Variants in GALNT13 observed in about 807,000 individuals in gnomAD.
GALNT13 encodes UDP-GalNAc:polypeptide N-acetylgalactosaminyltransferase 13.
Under a neutral mutation model 64.2 loss-of-function variants are expected in GALNT13, and 28 were observed. The ratio of observed to expected loss-of-function variants is 0.44; its 90% CI spans 0.32 to 0.60. The LOEUF (loss-of-function observed/expected upper bound fraction) is 0.60, where lower values mean the gene tolerates loss of function less well. GALNT13 is among the 20% of genes least tolerant of loss of function. The pLI is 0.05. For missense variants in GALNT13, 577 were observed against 669.8 expected (o/e 0.86, Z 1.53); for synonymous variants, 214 against 224.6 (o/e 0.95, Z 0.42).
the GALNT13 span, among the ~76,000 whole-genome samples, chr2:153,465,995 G>T: frequency 1.2e-4 from 18 of 152,074 alleles, no homozygotes; most frequent in African/African-American, 4.3e-4. Flanking sequence ...ATAGCCACCT[G>T]CCCGGTGCCC....
chr2:153,915,582 G>T (rs900073983), intron 2 of GALNT13, among the ~76,000 whole-genome samples: 2 of 151,958 alleles, frequency 1.3e-5, no homozygotes, highest in Non-Finnish European at 2.9e-5. Context: ...CTGAAATTTT[G>T]TTCATCTCTT....
rs1317582697 is a variant in GALNT13, at chr2:154,298,639, A to G, written c.976-2770A>G. On this transcript the variant is annotated intron_variant, in intron 8 of 12. Transcript: ENST00000392825. ...TATATATACATTGTATATATAATTT[A>G]TATATACATTGTATATACAATTTAT... Among the ~76,000 whole-genome samples the G allele has an allele frequency of 3.5e-5, 3 of 84,582 alleles. 1 individual carries two copies. Among genetic ancestry groups the G allele is most frequent in the Non-Finnish European group, 4.8e-5 (2 of 41,634 alleles). 55.5% of individuals were successfully genotyped at this position (84,582 alleles called of 152,430 possible).
chr2:153,333,307 C>T, the GALNT13 span, among the ~76,000 whole-genome samples: 47 of 152,266 alleles, frequency 3.1e-4, no homozygotes, highest in African/African-American at 1.1e-3. Flanking sequence ...TGGCCTGGGC[C>T]CTTGGATCCC....
chr2:153,600,959 A>G, the GALNT13 span, among the ~76,000 whole-genome samples: 1 of 151,964 alleles, frequency 6.6e-6, no homozygotes, highest in Non-Finnish European at 1.5e-5. Flanking sequence ...AGAGAGGCAC[A>G]TCCTAACTCA....
upstream of GALNT13, among the ~76,000 whole-genome samples, chr2:153,870,207 T>A (rs1302183625): frequency 6.6e-6 from 1 of 152,152 alleles, no homozygotes; most frequent in African/African-American, 2.4e-5. Context: ...GCCAATACTT[T>A]CTAGGGTGAT....
At chr2:153,138,680 T>C in the GALNT13 span, among the ~76,000 whole-genome samples, 1 of 152,108 alleles carries the variant, frequency 6.6e-6, no homozygotes, top group Admixed American at 6.6e-5. Flanking sequence ...TTAAATGTTA[T>C]CTATGTTGTA....
chr2:154,304,642 A>G (rs1352967998), intron 9 of GALNT13, among the ~76,000 whole-genome samples: 1 of 152,244 alleles, frequency 6.6e-6, no homozygotes, highest in Non-Finnish European at 1.5e-5. Context: ...AATGAAATGA[A>G]TAACTTTAGA....
chr2:154,049,960 C>T (rs552098020), intron 3 of GALNT13, among the ~76,000 whole-genome samples: 1 of 152,154 alleles, frequency 6.6e-6, no homozygotes, highest in East Asian at 1.9e-4. Context: ...TATAGCTAAA[C>T]ATATCTTCCT....
intron 4 of GALNT13, among the ~76,000 whole-genome samples, chr2:154,178,509 A>G (rs902749263): frequency 4.6e-5 from 7 of 152,256 alleles, no homozygotes; most frequent in African/African-American, 1.7e-4. Flanking sequence ...GCACATGTGT[A>G]TATATATGTA....
the GALNT13 span, among the ~76,000 whole-genome samples, chr2:153,115,017 A>G: frequency 2.0e-5 from 3 of 151,554 alleles, no homozygotes; most frequent in Non-Finnish European, 4.4e-5. Flanking sequence ...TACCTACCTC[A>G]TGGGCTTCTT....
intron 3 of GALNT13, among the ~76,000 whole-genome samples, chr2:154,013,587 C>G (rs555837756): frequency 3.3e-5 from 5 of 152,216 alleles, no homozygotes; most frequent in African/African-American, 9.6e-5. Flanking sequence ...TGCTCACTTG[C>G]GCCAGAGAAG....
chr2:154,365,824 T>G (rs952806420), intron 9 of GALNT13, among the ~76,000 whole-genome samples: 1 of 152,180 alleles, frequency 6.6e-6, no homozygotes, highest in African/African-American at 2.4e-5. Context: ...AAAGGAAATC[T>G]CCCTTAGCAG....
chr2:153,880,788 G>A (rs1686728330), intron 1 of GALNT13, among the ~76,000 whole-genome samples: 1 of 151,838 alleles, frequency 6.6e-6, no homozygotes, highest in Admixed American at 6.6e-5. Flanking sequence ...GGTAAATACT[G>A]TATTTATTAT....
the GALNT13 span, among the ~76,000 whole-genome samples, chr2:153,596,096 C>T: frequency 6.6e-6 from 1 of 152,178 alleles, no homozygotes; most frequent in Non-Finnish European, 1.5e-5. Flanking sequence ...GCAGTTGAAG[C>T]TGACCATTGG....
At chr2:153,894,912 A>G (rs1006015816) in intron 1 of GALNT13, among the ~76,000 whole-genome samples, 5 of 152,170 alleles carry the variant, frequency 3.3e-5, no homozygotes, top group African/African-American at 1.2e-4. Flanking sequence ...AAAGGGAGGC[A>G]TAGCTTGTTA....
chr2:153,433,563 T>C, the GALNT13 span, among the ~76,000 whole-genome samples: 5 of 152,276 alleles, frequency 3.3e-5, no homozygotes, highest in African/African-American at 1.2e-4. Context: ...CTAAGTAAAG[T>C]TTCAGACTTT....
the GALNT13 span, among the ~76,000 whole-genome samples, chr2:153,183,658 A>G: frequency 6.6e-6 from 1 of 152,174 alleles, no homozygotes; most frequent in Non-Finnish European, 1.5e-5. Context: ...TGGTGTAAGA[A>G]AGTGGTCCAG....
chr2:153,868,860 A>G (rs1685806066), upstream of GALNT13, among the ~76,000 whole-genome samples: 1 of 152,258 alleles, frequency 6.6e-6, no homozygotes, highest in Non-Finnish European at 1.5e-5. Context: ...ATTAAAGATA[A>G]ATGCCAAACT....
At chr2:154,119,365 T>C (rs1040562922) in intron 3 of GALNT13, among the ~76,000 whole-genome samples, 13 of 152,166 alleles carry the variant, frequency 8.5e-5, no homozygotes, top group African/African-American at 2.7e-4. Flanking sequence ...CAGAATAGTT[T>C]CTTTGCTTTT....
Sources: allele counts gnomAD v4.1 joint callset (sites outside exome capture counted in the v4.1 genomes callset), GRCh38; gene constraint gnomAD v4.1.1; transcripts MANE v1.5; gene names NCBI Gene and HGNC (gene_info 2026-07-23, HGNC 2026-07-21).